The following PDS5B variants were observed in gnomAD, a reference collection of about 807,000 sequenced individuals.
The protein encoded by PDS5B is PDS5 cohesin associated factor B.
In PDS5B, 51 loss-of-function variants were observed where a neutral mutation model predicts 184.1. That is an observed-to-expected ratio of 0.28 (90% CI 0.22 to 0.35). PDS5B has a LOEUF of 0.35. Among genes scored for constraint, PDS5B ranks in the 10% least tolerant of loss-of-function variants. The pLI, the probability that PDS5B is intolerant of heterozygous loss-of-function variation, is 1.00. For missense variants in PDS5B, 1,180 were observed against 1,723.3 expected (o/e 0.68, Z 5.58); for synonymous variants, 566 against 569.2 (o/e 0.99, Z 0.08).
At chr13:32,590,890 T>C (rs1566227345) in intron 1 of PDS5B, among the ~76,000 whole-genome samples, 1 of 151,700 alleles carries the variant, frequency 6.6e-6, no homozygotes. Context: ...TTGCAGGCCT[T>C]AAGTACTCTA....
chr13:32,620,574 G>A (rs550898475), intron 1 of PDS5B, among the ~76,000 whole-genome samples: 67 of 151,504 alleles, frequency 4.4e-4, no homozygotes, highest in African/African-American at 1.5e-3. Flanking sequence ...GGAGAATGGC[G>A]TGAACCCAGG....
chr13:32,658,650 C>T (rs1286135838), intron 5 of PDS5B, 119 bp downstream of exon 5: 5 of 562,680 alleles, frequency 8.9e-6, no homozygotes, highest in African/African-American at 7.7e-5. Context: ...TAACTTTTAA[C>T]ACACTTTATT....
intron 19 of PDS5B, among the ~76,000 whole-genome samples, chr13:32,723,543 A>ATTG (rs79831769): frequency 0.44 from 66,740 of 151,672 alleles, 15,029 homozygotes; most frequent in African/African-American, 0.49. Context: ...AATTCTTAAA[A>ATTG]TTTTTTCTTT....
chr13:32,640,292 G>A (rs753170571), intron 1 of PDS5B, among the ~76,000 whole-genome samples: 1 of 152,060 alleles, frequency 6.6e-6, no homozygotes, highest in Non-Finnish European at 1.5e-5. Flanking sequence ...TCTCACCCAT[G>A]CTGGAGTGCA....
intron 21 of PDS5B, 117 bp downstream of exon 21, chr13:32,735,447 G>T: frequency 3.0e-6 from 2 of 664,608 alleles, no homozygotes; most frequent in Non-Finnish European, 2.4e-6. Flanking sequence ...CTTGATTTTA[G>T]GTTTTCCTGT....
intron 1 of PDS5B, among the ~76,000 whole-genome samples, chr13:32,611,503 CTTTTTTT>C (rs35825698): frequency 2.5e-4 from 28 of 110,904 alleles, no homozygotes; most frequent in South Asian, 6.2e-4. Context: ...TTGGTTAAAA[CTTTTTTT>C]TTTTTTTTTT....
chr13:32,740,848 G>T (rs1214938900), intron 21 of PDS5B, among the ~76,000 whole-genome samples: 2 of 151,886 alleles, frequency 1.3e-5, no homozygotes, highest in Non-Finnish European at 2.9e-5. Context: ...GACCTAGAAA[G>T]AACCAGTCGT....
rs749554958 is a variant in PDS5B at position 32,746,073 on chromosome 13, A to G, written c.2709A>G (p.Gln903=). 6.8e-6 allele frequency: 11 copies of G among 1,613,138 alleles called. No individual in the cohort carries two copies. The highest frequency in any genetic ancestry group is 1.7e-4 in the Middle Eastern group (1 of 6,058). The change falls in exon 24 of 35, where the codon CAA becomes CAG. Residue 903 remains glutamine, a synonymous_variant. Coordinates refer to ENST00000315596, the MANE Select transcript of PDS5B (RefSeq NM_015032.4). ...ACCATGAAATCATCACATTAGAACA[A>G]TATCAGCTATGTGCATTAGCTATCA... ...PCYHEIITLE[Q]YQLCALAIND...
At chr13:32,734,564 A>G (rs1351310284) in intron 20 of PDS5B, among the ~76,000 whole-genome samples, 4 of 152,200 alleles carry the variant, frequency 2.6e-5, no homozygotes, top group African/African-American at 9.7e-5. Flanking sequence ...GGGTGTTTGA[A>G]TGACCCTCTA....
At chr13:32,611,578 G>C (rs2140510333) in intron 1 of PDS5B, among the ~76,000 whole-genome samples, 1 of 147,520 alleles carries the variant, frequency 6.8e-6, no homozygotes, top group African/African-American at 2.5e-5. Context: ...CATGATCTTG[G>C]CTCACTGCAG....
At chr13:32,747,807 G>A (rs935714632) in intron 24 of PDS5B, among the ~76,000 whole-genome samples, 1 of 152,182 alleles carries the variant, frequency 6.6e-6, no homozygotes, top group African/African-American at 2.4e-5. Flanking sequence ...AGCATTTGCT[G>A]CTATCATTAT....
intron 1 of PDS5B, among the ~76,000 whole-genome samples, chr13:32,623,806 T>TC (rs2058334264): frequency 6.6e-6 from 1 of 152,036 alleles, no homozygotes; most frequent in Non-Finnish European, 1.5e-5. Flanking sequence ...TATAATCTAT[T>TC]CCTTTTTTTT....
Position 32,727,706 on chromosome 13 carries a change from T to A in PDS5B, c.2124-4395T>A, listed in dbSNP as rs182762332. Among the ~76,000 whole-genome samples, 18 of 152,210 alleles carry A rather than the reference T, an allele frequency of 1.2e-4. No homozygotes were observed. In the East Asian group the frequency reaches 3.3e-3, roughly 28 times the overall value. ...TCTGTTTTTGCACTGCTTTTAAGAT[T>A]TTTCTGTTTTTCACTAATTTTTATC... On this transcript the variant is annotated intron_variant, in intron 19 of 34. Transcript: ENST00000315596.
At chr13:32,589,711 C>T (rs1384170792) in intron 1 of PDS5B, among the ~76,000 whole-genome samples, 1 of 152,154 alleles carries the variant, frequency 6.6e-6, no homozygotes, top group Non-Finnish European at 1.5e-5. Context: ...ACTTGGTTTT[C>T]GTATTCCTGT....
rs1214555409 is a variant in PDS5B at position 32,777,660 on chromosome 13, A to C, written c.*2608A>C. 1.3e-5 allele frequency: 2 copies of C among 152,206 alleles called. No individual in the cohort carries two copies. Among genetic ancestry groups the C allele is most frequent in the Non-Finnish European group, 3.0e-5 (2 of 67,796 alleles). 9.4% of individuals were successfully genotyped at this position (152,206 alleles called of 1,614,324 possible). On this transcript the variant is annotated 3_prime_UTR_variant, in exon 35 of 35. Coordinates refer to ENST00000315596, the MANE Select transcript of PDS5B (RefSeq NM_015032.4). ...TTCCTCAGTGAGGTTATCTTGCTGC[A>C]CTCTGTAGCAAATTTGTTTAATCTA...
chr13:32,766,850 A>G (rs1200636481), intron 31 of PDS5B, among the ~76,000 whole-genome samples: 2 of 152,116 alleles, frequency 1.3e-5, no homozygotes, highest in African/African-American at 2.4e-5. Context: ...TTTACCACCA[A>G]CCTTTTCCAG....
intron 1 of PDS5B, among the ~76,000 whole-genome samples, chr13:32,597,802 G>A (rs561139878): frequency 2.7e-5 from 4 of 150,606 alleles, no homozygotes; most frequent in Non-Finnish European, 4.4e-5. Flanking sequence ...AGCAGAGGTC[G>A]TGCCACTGCA....
At chr13:32,747,191 C>G (rs531929622) in intron 24 of PDS5B, among the ~76,000 whole-genome samples, 1 of 152,274 alleles carries the variant, frequency 6.6e-6, no homozygotes, top group Non-Finnish European at 1.5e-5. Flanking sequence ...GTAAAAGGGA[C>G]TTTCACATTA....
intron 1 of PDS5B, among the ~76,000 whole-genome samples, chr13:32,601,164 A>G (rs553610012): frequency 3.3e-5 from 5 of 152,276 alleles, no homozygotes; most frequent in African/African-American, 1.2e-4. Context: ...TCCAGTTTCT[A>G]CTTGCTCTTG....
Sources: allele counts gnomAD v4.1 joint callset (sites outside exome capture counted in the v4.1 genomes callset), GRCh38; gene constraint gnomAD v4.1.1; transcripts MANE v1.5; gene names NCBI Gene and HGNC (gene_info 2026-07-23, HGNC 2026-07-21).